The following ARL15 variants were observed in gnomAD, a reference collection of about 807,000 sequenced individuals.
ARL15 encodes ARF like GTPase 15.
In ARL15, 19 loss-of-function variants were observed where a neutral mutation model predicts 25.2. That is an observed-to-expected ratio of 0.75 (90% CI 0.53 to 1.10). The LOEUF (loss-of-function observed/expected upper bound fraction) is 1.10, where lower values mean the gene tolerates loss of function less well. ARL15 is among the 50% of genes least tolerant of loss of function. The pLI, the probability that ARL15 is intolerant of heterozygous loss-of-function variation, is 0.00. For missense variants in ARL15, 220 were observed against 246.0 expected (o/e 0.89, Z 0.71); for synonymous variants, 94 against 86.8 (o/e 1.08, Z -0.46).
At position 54,052,802 on chromosome 5, in the gene ARL15, C is replaced by CAATA. The variant is rs1278443630; in HGVS notation, c.462+60396_462+60399dup. On this transcript the variant is annotated intron_variant, in intron 4 of 4. Coordinates refer to ENST00000504924, the MANE Select transcript of ARL15 (RefSeq NM_019087.3). ...CGCTCTATCAGCTGAGGTCTAGAAG[C>CAATA]AATAATACCCCAGTGGCACACAGGG... Among the ~76,000 whole-genome samples the CAATA allele has an allele frequency of 4.6e-5, 7 of 152,016 alleles. 1 individual carries two copies. The highest frequency in any genetic ancestry group is 3.9e-4 in the Admixed American group (6 of 15,252).
intron 4 of ARL15, among the ~76,000 whole-genome samples, chr5:54,107,464 G>C (rs772500154): frequency 6.6e-6 from 1 of 152,172 alleles, no homozygotes; most frequent in Admixed American, 6.5e-5. Context: ...AATATTAGAA[G>C]GTTTTAAAAT....
intron 4 of ARL15, among the ~76,000 whole-genome samples, chr5:54,100,317 G>C (rs920594864): frequency 3.3e-5 from 5 of 152,052 alleles, no homozygotes; most frequent in African/African-American, 1.2e-4. Flanking sequence ...ATGGGAAAAT[G>C]ATGAGGAAGG....
chr5:54,110,608 C>T (rs750144996), intron 4 of ARL15, among the ~76,000 whole-genome samples: 12 of 151,894 alleles, frequency 7.9e-5, no homozygotes, highest in Non-Finnish European at 1.6e-4. Flanking sequence ...TTGGTAAATT[C>T]CATAAAACAT....
chr5:54,108,589 G>C (rs1752652181), intron 4 of ARL15, among the ~76,000 whole-genome samples: 1 of 152,012 alleles, frequency 6.6e-6, no homozygotes, highest in Non-Finnish European at 1.5e-5. Flanking sequence ...TTTAATAAAA[G>C]ATTTGTCACA....
At position 54,155,704 on chromosome 5, in the gene ARL15, G is replaced by A. The variant is rs62370441; in HGVS notation, c.194-1065C>T. On this transcript the variant is annotated intron_variant, in intron 2 of 4. Transcript: ENST00000504924. ...TTCACACACACACACACACACACAC[G>A]CACACACACACATGCAAATATACAC... 8.9e-3 allele frequency among the ~76,000 whole-genome samples: 575 copies of A among 64,844 alleles called. 3 individuals are homozygous for A. Among genetic ancestry groups the A allele is most frequent in the Admixed American group, 0.017 (115 of 6,628 alleles). The allele number at this position is 64,844 out of a possible 152,430, so 42.5% of individuals were successfully genotyped here. A position where few individuals can be genotyped will look rare whatever the true frequency, so the allele number is the denominator to read the frequency against.
In ARL15 at chr5:53,884,065, A is replaced by G. The variant is rs1255061944; in HGVS notation, c.*2496T>C. On this transcript the variant is annotated 3_prime_UTR_variant, in exon 5 of 5. Transcript: ENST00000504924. Reference sequence around the variant, plus strand: ...TCTGTTAGCCTCTAAGTACAGGTACAGTATTTTTTTAATAGAAAGACAGGG... The same window carrying G: ...TCTGTTAGCCTCTAAGTACAGGTACGGTATTTTTTTAATAGAAAGACAGGG... 6.6e-6 allele frequency: 1 copy of G among 152,230 alleles called. No homozygotes were observed. The highest frequency in any genetic ancestry group is 1.5e-5 in the Non-Finnish European group (1 of 68,040). 9.4% of individuals were successfully genotyped at this position (152,230 alleles called of 1,614,324 possible).
At chr5:53,916,067 T>C (rs1745637378) in intron 4 of ARL15, among the ~76,000 whole-genome samples, 1 of 152,130 alleles carries the variant, frequency 6.6e-6, no homozygotes, top group South Asian at 2.1e-4. Flanking sequence ...CTATTGCACC[T>C]GGCTTTTTAA....
intron 4 of ARL15, among the ~76,000 whole-genome samples, chr5:53,914,388 C>G (rs552841372): frequency 6.6e-6 from 1 of 152,226 alleles, no homozygotes; most frequent in South Asian, 2.1e-4. Context: ...CCCAAATATA[C>G]CATGTATTAA....
chr5:54,159,168 C>T (rs547465961), intron 2 of ARL15, among the ~76,000 whole-genome samples: 1 of 152,250 alleles, frequency 6.6e-6, no homozygotes, highest in East Asian at 1.9e-4. Context: ...TAAGGGTTTT[C>T]AGGTCTATAT....
intron 1 of ARL15, among the ~76,000 whole-genome samples, chr5:54,277,526 C>T (rs551791277): frequency 5.3e-5 from 8 of 152,146 alleles, no homozygotes; most frequent in South Asian, 4.1e-4. Flanking sequence ...CCGAGGCGGG[C>T]GGATCACGAG....
chr5:54,109,598 G>C (rs1181862929), intron 4 of ARL15, among the ~76,000 whole-genome samples: 1 of 151,898 alleles, frequency 6.6e-6, no homozygotes, highest in African/African-American at 2.4e-5. Context: ...AATAACTTCA[G>C]AACTGAAGTA....
chr5:53,941,086 A>G (rs146322091), intron 4 of ARL15, among the ~76,000 whole-genome samples: 290 of 152,308 alleles, frequency 1.9e-3, no homozygotes, highest in Middle Eastern at 6.8e-3. Flanking sequence ...ACCTTACAAA[A>G]TATCAATGGT....
chr5:53,946,341 C>T (rs973963088), intron 4 of ARL15, among the ~76,000 whole-genome samples: 16 of 151,298 alleles, frequency 1.1e-4, no homozygotes, highest in Non-Finnish European at 1.9e-4. Context: ...TCCCAGCTCC[C>T]CGGGAGGCTG....
At chr5:54,293,818 T>C (rs1205397270) in intron 1 of ARL15, among the ~76,000 whole-genome samples, 1 of 148,322 alleles carries the variant, frequency 6.7e-6, no homozygotes, top group Admixed American at 6.7e-5. Flanking sequence ...AAGCCACTCA[T>C]CATATCATCC....
intron 1 of ARL15, among the ~76,000 whole-genome samples, chr5:54,289,731 T>C (rs1338760038): frequency 1.3e-5 from 2 of 152,224 alleles, no homozygotes; most frequent in Non-Finnish European, 2.9e-5. Flanking sequence ...AATTTGTCAT[T>C]TGTAAAATGA....
At chr5:54,310,219 G>T (rs977332997) in intron 1 of ARL15, 7 of 546,636 alleles carry the variant, frequency 1.3e-5, no homozygotes, top group African/African-American at 1.2e-4. Context: ...TGCTGGCCCA[G>T]GCCGCACCTT....
At chr5:54,126,734 G>A (rs796647729) in intron 3 of ARL15, among the ~76,000 whole-genome samples, 7 of 152,298 alleles carry the variant, frequency 4.6e-5, no homozygotes, top group South Asian at 2.1e-4. Context: ...AGGATAACAC[G>A]GCAAGAAGGC....
At chr5:53,990,083 C>T (rs549326510) in intron 4 of ARL15, among the ~76,000 whole-genome samples, 1 of 152,054 alleles carries the variant, frequency 6.6e-6, no homozygotes, top group Non-Finnish European at 1.5e-5. Flanking sequence ...TAAAAATTTG[C>T]TGGGCATGGT....
chr5:54,139,760 A>G (rs2112305148), intron 3 of ARL15, among the ~76,000 whole-genome samples: 1 of 152,274 alleles, frequency 6.6e-6, no homozygotes, highest in Admixed American at 6.5e-5. Context: ...TGAGCCCAGG[A>G]GGTGGAGGCT....
Sources: allele counts gnomAD v4.1 joint callset (sites outside exome capture counted in the v4.1 genomes callset), GRCh38; gene constraint gnomAD v4.1.1; transcripts MANE v1.5; gene names NCBI Gene and HGNC (gene_info 2026-07-23, HGNC 2026-07-21).